The following ADAMTSL1 variants were observed in gnomAD, a reference collection of about 807,000 sequenced individuals.
The protein encoded by ADAMTSL1 is ADAMTS like 1.
Under a neutral mutation model 201.8 loss-of-function variants are expected in ADAMTSL1, and 126 were observed. The observed-to-expected ratio is 0.62, with a 90% confidence interval of 0.54 to 0.72. The LOEUF (loss-of-function observed/expected upper bound fraction) is 0.72, where lower values mean the gene tolerates loss of function less well. ADAMTSL1 is among the 30% of genes least tolerant of loss of function. The pLI, the probability that ADAMTSL1 is intolerant of heterozygous loss-of-function variation, is 0.00. For synonymous variants in ADAMTSL1, 1,121 were observed against 903.4 expected (o/e 1.24, Z -4.32); for missense variants, 2,679 against 2,277.8 (o/e 1.18, Z -3.59).
intron 2 of ADAMTSL1, among the ~76,000 whole-genome samples, chr9:18,409,593 T>C (rs565462685): frequency 1.3e-5 from 2 of 151,366 alleles, no homozygotes; most frequent in South Asian, 4.2e-4. Flanking sequence ...TTTTTGATTA[T>C]CACTTCTTTG....
At chr9:18,675,703 T>C (rs1053043739) in intron 9 of ADAMTSL1, among the ~76,000 whole-genome samples, 154 bp from the exon 10 acceptor site, 5 of 152,160 alleles carry the variant, frequency 3.3e-5, no homozygotes, top group African/African-American at 1.2e-4. Flanking sequence ...TATCCTGGCA[T>C]AAAGATATAA....
At chr9:18,100,992 A>G (rs746056615) in intron 1 of ADAMTSL1, among the ~76,000 whole-genome samples, 7 of 152,114 alleles carry the variant, frequency 4.6e-5, no homozygotes, top group Non-Finnish European at 1.0e-4. Context: ...CCTCGCCTGC[A>G]TGTAGTTGGG....
intron 2 of ADAMTSL1, among the ~76,000 whole-genome samples, chr9:18,326,037 C>T (rs556494924): frequency 4.6e-5 from 7 of 152,218 alleles, no homozygotes; most frequent in South Asian, 2.1e-4. Context: ...CCACCATGCC[C>T]GGCCTAAAAG....
chr9:18,574,297 T>A (rs781457971), intron 4 of ADAMTSL1, 31 bp downstream of exon 4: 57 of 1,571,696 alleles, frequency 3.6e-5, no homozygotes, highest in Admixed American at 6.7e-5. Flanking sequence ...ATTCAACTTG[T>A]CCAGAGGGTT....
intron 1 of ADAMTSL1, among the ~76,000 whole-genome samples, chr9:17,959,004 T>C (rs1999181): frequency 0.57 from 87,171 of 151,952 alleles, 25,987 homozygotes; most frequent in East Asian, 0.92. Flanking sequence ...AAGTCTTTTC[T>C]AATATTGTCC....
At chr9:18,023,335 A>G (rs1357601401) in intron 1 of ADAMTSL1, among the ~76,000 whole-genome samples, 1 of 152,106 alleles carries the variant, frequency 6.6e-6, no homozygotes, top group Non-Finnish European at 1.5e-5. Flanking sequence ...TGATGCTGAT[A>G]CTGCTGGTCT....
At chr9:18,233,336 G>C (rs138926153) in intron 2 of ADAMTSL1, among the ~76,000 whole-genome samples, 1 of 152,140 alleles carries the variant, frequency 6.6e-6, no homozygotes, top group Non-Finnish European at 1.5e-5. Context: ...ATCAGTAAAA[G>C]ACAATAACCA....
chr9:18,214,315 A>G (rs1829988287), intron 2 of ADAMTSL1, among the ~76,000 whole-genome samples: 1 of 152,232 alleles, frequency 6.6e-6, no homozygotes, highest in African/African-American at 2.4e-5. Context: ...GTTTATTTTC[A>G]AGTAGCTTAT....
intron 2 of ADAMTSL1, among the ~76,000 whole-genome samples, chr9:18,235,510 G>C (rs1341828267): frequency 6.6e-6 from 1 of 152,120 alleles, no homozygotes; most frequent in African/African-American, 2.4e-5. Flanking sequence ...TATGCTTCTA[G>C]AGCTGCCCTG....
intron 2 of ADAMTSL1, among the ~76,000 whole-genome samples, chr9:18,446,762 A>T (rs7875260): frequency 6.6e-6 from 1 of 152,240 alleles, no homozygotes; most frequent in Non-Finnish European, 1.5e-5. Context: ...TCATCTAAAA[A>T]ATAGTATTCT....
At chr9:18,158,162 C>G (rs192550557) in intron 1 of ADAMTSL1, among the ~76,000 whole-genome samples, 1 of 151,840 alleles carries the variant, frequency 6.6e-6, no homozygotes, top group Non-Finnish European at 1.5e-5. Flanking sequence ...TGAGTGCATG[C>G]AGAAAGGGGT....
intron 23 of ADAMTSL1, among the ~76,000 whole-genome samples, chr9:18,858,140 T>A (rs541980215): frequency 1.7e-4 from 26 of 152,284 alleles, no homozygotes; most frequent in Middle Eastern, 3.4e-3. Context: ...CATTGAGTCA[T>A]GAGTCCTCCC....
chr9:18,150,141 A>G (rs181447679), intron 1 of ADAMTSL1, among the ~76,000 whole-genome samples: 2 of 152,226 alleles, frequency 1.3e-5, no homozygotes, highest in East Asian at 1.9e-4. Flanking sequence ...CATATATTTG[A>G]AAGTTGTCAT....
At position 18,210,448 on chromosome 9, in the gene ADAMTSL1, TTAA is replaced by T. The variant is rs536242581; in HGVS notation, c.207+46471_207+46473del. ...TAATAAATATATTATGTATGATATA[TTAA>T]TAAATATATATTAATTATATATGAT... On this transcript the variant is annotated intron_variant, in intron 2 of 29. Transcript: ENST00000680146. Among the ~76,000 whole-genome samples, 624 of 146,892 alleles carry T rather than the reference TTAA, an allele frequency of 4.2e-3. 2 individuals carry two copies. Among genetic ancestry groups the T allele is most frequent in the Middle Eastern group, 0.032 (9 of 278 alleles).
At chr9:18,253,182 G>A (rs1831534685) in intron 2 of ADAMTSL1, among the ~76,000 whole-genome samples, 1 of 152,080 alleles carries the variant, frequency 6.6e-6, no homozygotes, top group Admixed American at 6.6e-5. Context: ...CAAATAAAAA[G>A]CTGAAACCTT....
chr9:18,876,445 C>T (rs568300424), intron 23 of ADAMTSL1, among the ~76,000 whole-genome samples: 1 of 152,172 alleles, frequency 6.6e-6, no homozygotes, highest in African/African-American at 2.4e-5. Flanking sequence ...GCAGTGCCGA[C>T]TTGGTAGTGG....
intron 1 of ADAMTSL1, among the ~76,000 whole-genome samples, chr9:18,152,404 A>G (rs868256242): frequency 6.6e-6 from 1 of 152,054 alleles, no homozygotes; most frequent in East Asian, 1.9e-4. Context: ...CATAAGAGCC[A>G]TGGTTCCATG....
At chr9:18,473,905 G>A (rs1821319305), upstream of ADAMTSL1, 2 of 346,282 alleles carry the variant, frequency 5.8e-6, no homozygotes, top group South Asian at 1.3e-4. Context: ...TTCCCTTCTC[G>A]CTCTGCTGCT....
intron 8 of ADAMTSL1, among the ~76,000 whole-genome samples, chr9:18,658,206 C>T (rs988734772): frequency 1.2e-4 from 19 of 152,170 alleles, no homozygotes; most frequent in South Asian, 4.1e-4. Flanking sequence ...GATCTCCTGA[C>T]CTCGTGATCC....
Sources: gnomAD v4.1 joint callset for allele counts (sites outside exome capture counted in the v4.1 genomes callset) on GRCh38, gnomAD v4.1.1 for gene constraint, MANE v1.5 for transcripts, NCBI Gene and HGNC (gene_info 2026-07-23, HGNC 2026-07-21) for gene names.